The following SS18 variants were observed in gnomAD, a reference collection of about 807,000 sequenced individuals.
SS18 encodes the protein protein SSXT.
SS18 carries 28 observed loss-of-function variants against 72.5 expected under a neutral mutation model. The ratio of observed to expected loss-of-function variants is 0.39; its 90% CI spans 0.29 to 0.53. The LOEUF is 0.53. Among genes scored for constraint, SS18 ranks in the 20% least tolerant of loss-of-function variants. SS18 has a pLI of 0.76. For synonymous variants in SS18, 172 were observed against 164.2 expected, an observed-to-expected ratio of 1.05 and a Z score of -0.37; for missense variants, 518 against 535.3, an observed-to-expected ratio of 0.97 and a Z score of 0.32.
intron 5 of SS18, among the ~76,000 whole-genome samples, chr18:26,049,374 G>A (rs2053883310): frequency 6.6e-6 from 1 of 152,184 alleles, no homozygotes; most frequent in African/African-American, 2.4e-5. Context: ...TCCATCCTCA[G>A]GCATTTTTCT....
chr18:26,075,422 G>A (rs2054394368), intron 3 of SS18, among the ~76,000 whole-genome samples: 1 of 151,876 alleles, frequency 6.6e-6, no homozygotes, highest in Non-Finnish European at 1.5e-5. Context: ...AAGACTGACT[G>A]AGCATTAAAA....
At chr18:26,041,137 C>A (rs2053715906) in intron 5 of SS18, among the ~76,000 whole-genome samples, 1 of 152,118 alleles carries the variant, frequency 6.6e-6, no homozygotes, top group African/African-American at 2.4e-5. Flanking sequence ...ATAACAAATT[C>A]GTAAGCCAGG....
chr18:26,019,789 CAAAAAAAAAA>C (rs869179852), intron 10 of SS18, among the ~76,000 whole-genome samples: 2 of 62,542 alleles, frequency 3.2e-5, no homozygotes, highest in African/African-American at 1.1e-4. Context: ...AACTCTGTCT[CAAAAAAAAAA>C]AAAAAAAAAA....
chr18:26,055,199 G>A (rs2053994977), intron 4 of SS18, among the ~76,000 whole-genome samples: 1 of 152,018 alleles, frequency 6.6e-6, no homozygotes, highest in African/African-American at 2.4e-5. Context: ...GGACTCGGTG[G>A]CTCATGCCTG....
At chr18:26,083,356 G>A (rs2144172246) in intron 2 of SS18, among the ~76,000 whole-genome samples, 1 of 152,268 alleles carries the variant, frequency 6.6e-6, no homozygotes, top group Non-Finnish European at 1.5e-5. Context: ...TTGGCTCTGT[G>A]TGGAGTTCTT....
At chr18:26,031,896 T>C (rs1331859338) in intron 10 of SS18, among the ~76,000 whole-genome samples, 2 of 151,958 alleles carry the variant, frequency 1.3e-5, no homozygotes, top group Non-Finnish European at 2.9e-5. Context: ...ACAGATGGAC[T>C]CCACATCTCA....
At chr18:26,070,493 A>G (rs377464663) in intron 3 of SS18, among the ~76,000 whole-genome samples, 6 of 152,232 alleles carry the variant, frequency 3.9e-5, no homozygotes, top group African/African-American at 1.4e-4. Context: ...TAAGGTGAAG[A>G]GTAGTTCCCT....
intron 4 of SS18, 80 bp downstream of exon 4, chr18:26,057,509 A>C: frequency 2.6e-6 from 4 of 1,555,822 alleles, no homozygotes; most frequent in Non-Finnish European, 3.5e-6. Context: ...GTCATCAACA[A>C]TCTAGTATCC....
intron 3 of SS18, chr18:26,068,349 T>G (rs2054255582): frequency 6.6e-6 from 1 of 152,148 alleles, no homozygotes; most frequent in Non-Finnish European, 1.5e-5. Flanking sequence ...GGTATATATT[T>G]ATATTGGCTT....
chr18:26,045,710 A>G (rs534130017), intron 5 of SS18, among the ~76,000 whole-genome samples: 85 of 152,240 alleles, frequency 5.6e-4, no homozygotes, highest in African/African-American at 2.0e-3. Context: ...AGACCATATC[A>G]ATGACCATGC....
chr18:26,041,346 C>T (rs2053719506), intron 5 of SS18, among the ~76,000 whole-genome samples: 1 of 152,140 alleles, frequency 6.6e-6, no homozygotes, highest in African/African-American at 2.4e-5. Flanking sequence ...ATCACTTGAA[C>T]CCGGGAGGCA....
chr18:26,077,862 C>T (rs139972858), intron 3 of SS18, among the ~76,000 whole-genome samples: 104 of 152,062 alleles, frequency 6.8e-4, no homozygotes, highest in African/African-American at 2.2e-3. Context: ...AACAGGTAAA[C>T]GAATATAACC....
intron 2 of SS18, among the ~76,000 whole-genome samples, 172 bp downstream of exon 2, chr18:26,087,328 TC>T (rs2054632808): frequency 6.6e-6 from 1 of 152,300 alleles, no homozygotes; most frequent in Non-Finnish European, 1.5e-5. Context: ...TAAAACTGAC[TC>T]ACGTAATACC....
At chr18:26,082,666 G>T in intron 2 of SS18, 1 of 230,920 alleles carries the variant, frequency 4.3e-6, no homozygotes, top group Non-Finnish European at 7.1e-6. Flanking sequence ...CCAGGCACAT[G>T]CGCTCCACAA....
intron 3 of SS18, among the ~76,000 whole-genome samples, chr18:26,072,531 T>A (rs1415694819): frequency 2.0e-5 from 3 of 152,028 alleles, no homozygotes; most frequent in African/African-American, 7.2e-5. Flanking sequence ...TTCACAATGA[T>A]GTTGCAGGCG....
intron 2 of SS18, among the ~76,000 whole-genome samples, chr18:26,082,948 T>C (rs1378186616): frequency 6.6e-6 from 1 of 152,186 alleles, no homozygotes; most frequent in Non-Finnish European, 1.5e-5. Flanking sequence ...AATTGGAGTA[T>C]CAATTCCCAG....
intron 10 of SS18, among the ~76,000 whole-genome samples, chr18:26,019,743 G>A (rs544980091): frequency 2.1e-5 from 3 of 145,036 alleles, no homozygotes; most frequent in South Asian, 2.2e-4. Flanking sequence ...CCCAGAAGGC[G>A]GAGGTTGCAC....
intron 5 of SS18, among the ~76,000 whole-genome samples, chr18:26,044,776 G>C (rs575531144): frequency 1.3e-5 from 2 of 152,100 alleles, no homozygotes; most frequent in Non-Finnish European, 2.9e-5. Context: ...GGGCCAAGCA[G>C]GGGGGTAAAG....
chr18:26,029,861 T>A (rs771045332), intron 10 of SS18, among the ~76,000 whole-genome samples: 11 of 152,128 alleles, frequency 7.2e-5, no homozygotes, highest in East Asian at 1.9e-4. Context: ...GGGCTAAAGA[T>A]AAGGTTAAAC....
Sources: allele counts gnomAD v4.1 joint callset (sites outside exome capture counted in the v4.1 genomes callset), GRCh38; gene constraint gnomAD v4.1.1; transcripts MANE v1.5; gene names NCBI Gene and HGNC (gene_info 2026-07-23, HGNC 2026-07-21).